SOX6: variants seen among roughly 807,000 people sequenced by gnomAD.
SOX6 encodes SRY-box transcription factor 6, also known as transcription factor SOX-6.
A neutral mutation model predicts 97.8 loss-of-function variants in SOX6; 11 were observed. The observed-to-expected ratio is 0.11, with a 90% confidence interval of 0.07 to 0.19. The LOEUF is 0.19. Among genes scored for constraint, SOX6 ranks in the 10% least tolerant of loss-of-function variants. The pLI, the probability that SOX6 is intolerant of heterozygous loss-of-function variation, is 1.00. For missense variants in SOX6, 810 were observed against 1,039.5 expected (o/e 0.78, Z 3.04); for synonymous variants, 360 against 371.4 (o/e 0.97, Z 0.35).
At chr11:16,486,744 A>C (rs1318139903) in intron 4 of SOX6, among the ~76,000 whole-genome samples, 1 of 152,062 alleles carries the variant, frequency 6.6e-6, no homozygotes, top group African/African-American at 2.4e-5. Flanking sequence ...GCTACTCAGG[A>C]GGCTGAGGCA....
chr11:16,066,498 T>A (rs1848096998), intron 9 of SOX6, among the ~76,000 whole-genome samples: 1 of 152,166 alleles, frequency 6.6e-6, no homozygotes, highest in Admixed American at 6.5e-5. Context: ...TTGCAAGCAA[T>A]CTAAGTGTCC....
intron 1 of SOX6, among the ~76,000 whole-genome samples, chr11:16,409,182 C>T (rs1271495000): frequency 6.6e-6 from 1 of 151,810 alleles, no homozygotes; most frequent in Non-Finnish European, 1.5e-5. Context: ...AAGATAATCA[C>T]CAAAATAATT....
At chr11:16,115,444 T>C (rs1438543945) in intron 6 of SOX6, among the ~76,000 whole-genome samples, 3 of 152,186 alleles carry the variant, frequency 2.0e-5, no homozygotes, top group African/African-American at 7.2e-5. Context: ...CACAGATTGC[T>C]TCCTTCTCTC....
intron 2 of SOX6, among the ~76,000 whole-genome samples, chr11:16,735,394 C>T (rs1848383920): frequency 1.3e-5 from 2 of 152,122 alleles, no homozygotes; most frequent in African/African-American, 4.8e-5. Context: ...TTTCCAATTT[C>T]CCTCAGCCAA....
intron 12 of SOX6, among the ~76,000 whole-genome samples, chr11:16,041,773 A>G (rs1855675468): frequency 2.0e-5 from 3 of 152,178 alleles, no homozygotes. Context: ...GCCAGATCCT[A>G]GCAGGTAGCT....
At chr11:16,006,590 T>C (rs1015572608) in intron 13 of SOX6, among the ~76,000 whole-genome samples, 3 of 152,078 alleles carry the variant, frequency 2.0e-5, no homozygotes, top group Non-Finnish European at 4.4e-5. Flanking sequence ...TCTTTGCTTA[T>C]CCAAACCTAG....
rs147479822 is a variant in SOX6 at position 16,413,816 on chromosome 11, G to A, written c.-5+62499C>T. On this transcript the variant is annotated intron_variant, in intron 1 of 15. Transcript: ENST00000396356. ...ATTACAGGCATGAGCCACCGCGCCCGGCCGAGTTCTACACTTTTAAATGCG... is the reference window on the plus strand; with the variant it reads ...ATTACAGGCATGAGCCACCGCGCCCAGCCGAGTTCTACACTTTTAAATGCG... Among the ~76,000 whole-genome samples, 133 of 64,978 alleles carry A rather than the reference G, an allele frequency of 2.0e-3. 1 individual carries two copies. Among genetic ancestry groups the A allele is most frequent in the East Asian group, 0.01 (26 of 2,534 alleles). 42.6% of individuals were successfully genotyped at this position (64,978 alleles called of 152,430 possible).
intron 1 of SOX6, among the ~76,000 whole-genome samples, chr11:16,365,935 G>C (rs377764456): frequency 2.0e-5 from 3 of 152,060 alleles, no homozygotes; most frequent in South Asian, 4.1e-4. Context: ...GACATATGTG[G>C]CACAGACATG....
intron 7 of SOX6, among the ~76,000 whole-genome samples, chr11:16,110,110 C>T (rs1372982024): frequency 1.3e-5 from 2 of 152,058 alleles, no homozygotes; most frequent in African/African-American, 2.4e-5. Context: ...TGAAAAGTGG[C>T]GGTATTGTTT....
At chr11:16,504,237 C>T (rs190328402) in intron 4 of SOX6, among the ~76,000 whole-genome samples, 5 of 152,036 alleles carry the variant, frequency 3.3e-5, no homozygotes, top group Admixed American at 6.6e-5. Context: ...ACTGAAAGTC[C>T]TAGCCAGAAC....
chr11:16,646,499 TG>T (rs1849017667), intron 3 of SOX6, among the ~76,000 whole-genome samples: 1 of 152,014 alleles, frequency 6.6e-6, no homozygotes, highest in Non-Finnish European at 1.5e-5. Flanking sequence ...CATAGGTTTT[TG>T]GGGAACATGT....
At chr11:16,200,274 A>C (rs1851898737) in intron 4 of SOX6, among the ~76,000 whole-genome samples, 1 of 152,156 alleles carries the variant, frequency 6.6e-6, no homozygotes, top group East Asian at 1.9e-4. Flanking sequence ...CTCACTCTGT[A>C]TTTTGTACAC....
rs10611823 is a variant in SOX6 at position 16,449,277 on chromosome 11, C to CTTTTTT, written c.-5+27032_-5+27037dup. Among the ~76,000 whole-genome samples, 609 of 62,952 alleles carry CTTTTTT rather than the reference C, an allele frequency of 9.7e-3. 119 individuals carry two copies. The highest frequency in any genetic ancestry group is 0.029 in the African/African-American group (401 of 13,970). The allele number at this position is 62,952 out of a possible 152,430, so 41.3% of individuals were successfully genotyped here. ...AGTGTAAAATTATAAAATGCTCCTT[C>CTTTTTT]TTTTTTTTTTTTTTTTTTTTTTTTT... is the stretch of plus-strand genomic sequence containing the variant. On this transcript the variant is annotated intron_variant, in intron 1 of 15. Transcript: ENST00000396356.
rs547283568 is a variant in SOX6 at position 16,318,469 on chromosome 11, T to G, written c.422A>C (p.Glu141Ala). 6.2e-6 allele frequency: 10 copies of G among 1,613,472 alleles called. No individual in the cohort carries two copies. The East Asian group carries it at 2.2e-4, about 36-fold the overall frequency. Residue 141 changes from glutamate (E) to alanine (A), a missense_variant, in exon 3 of 16, where the codon GAA becomes GCA. By Grantham distance (107) the Glu-to-Ala change is moderately radical. Around this residue, in one of 9 missense-constraint regions of SOX6, gnomAD observed 46 missense variants for 84.1 expected, o/e 0.55. Transcript: ENST00000683767. Reference sequence around the variant, plus strand: ...ACCCTCTTGTTCAGTCCGAGTCATTTCCTCAAGCTTCTTCTGTTTCAGTGT... The same window carrying G: ...ACCCTCTTGTTCAGTCCGAGTCATTGCCTCAAGCTTCTTCTGTTTCAGTGT... ...VDTLKQKKLE[E>A]MTRTEQEDSS...
At chr11:16,271,932 TA>T (rs1292593679) in intron 3 of SOX6, among the ~76,000 whole-genome samples, 1 of 151,180 alleles carries the variant, frequency 6.6e-6, no homozygotes, top group Non-Finnish European at 1.5e-5. Flanking sequence ...ACTTATAATT[TA>T]ATTCATTTAT....
intron 13 of SOX6, among the ~76,000 whole-genome samples, chr11:16,014,034 G>A (rs1349981683): frequency 2.0e-5 from 3 of 152,018 alleles, no homozygotes; most frequent in Non-Finnish European, 2.9e-5. Flanking sequence ...ATGTTACTCC[G>A]AAGAGAACAA....
chr11:16,402,511 C>G (rs944722118), intron 1 of SOX6: 1 of 776,896 alleles, frequency 1.3e-6, no homozygotes, highest in Admixed American at 2.2e-5. Context: ...CATTAGAGAG[C>G]TTCCCAGAGA....
chr11:16,076,446 T>C (rs1848354563), intron 9 of SOX6, among the ~76,000 whole-genome samples: 2 of 149,578 alleles, frequency 1.3e-5, no homozygotes, highest in South Asian at 2.1e-4. Flanking sequence ...GTGGGCAAAT[T>C]ACATTAATAG....
At chr11:16,251,830 C>T (rs1372330210) in intron 3 of SOX6, among the ~76,000 whole-genome samples, 1 of 152,002 alleles carries the variant, frequency 6.6e-6, no homozygotes, top group Non-Finnish European at 1.5e-5. Context: ...TATAATCTGA[C>T]AATATATAAA....
Sources: allele counts gnomAD v4.1 joint callset (sites outside exome capture counted in the v4.1 genomes callset), GRCh38; gene constraint gnomAD v4.1.1; regional missense constraint gnomAD v4.1.1; transcripts MANE v1.5; gene names NCBI Gene and HGNC (gene_info 2026-07-23, HGNC 2026-07-21).